Variants in PLA2G4D observed in about 807,000 individuals in gnomAD.
PLA2G4D encodes phospholipase A2 group IVD.
In PLA2G4D, 80 loss-of-function variants were observed where a neutral mutation model predicts 94.4. The ratio of observed to expected loss-of-function variants is 0.85; its 90% CI spans 0.71 to 1.02. The LOEUF is 1.02. PLA2G4D is among the 50% of genes least tolerant of loss of function. The pLI is 0.00. For missense variants in PLA2G4D, 1,050 were observed against 1,034.7 expected (o/e 1.01, Z -0.20); for synonymous variants, 438 against 440.9 (o/e 0.99, Z 0.08).
intron 13 of PLA2G4D, among the ~76,000 whole-genome samples, chr15:42,076,471 C>G (rs1595592750): frequency 1.3e-5 from 2 of 151,864 alleles, no homozygotes; most frequent in East Asian, 3.9e-4. Context: ...GCATTAAAAC[C>G]ATTAGAACTG....
intron 13 of PLA2G4D, among the ~76,000 whole-genome samples, chr15:42,075,015 C>T (rs1332850727): frequency 6.6e-6 from 1 of 152,180 alleles, no homozygotes; most frequent in Non-Finnish European, 1.5e-5. Context: ...CCTCAACCTC[C>T]CATGTTCAAG....
rs1282363820 is a variant in PLA2G4D, at chr15:42,085,522, C to T, written c.397G>A (p.Glu133Lys). 3 of 1,613,508 alleles carry T rather than the reference C, an allele frequency of 1.9e-6. No homozygotes were observed. The highest frequency in any genetic ancestry group is 1.1e-5 in the South Asian group (1 of 91,080). ...TFSQSPQGEE[E>K]LDVEFLMEET... ...TCCATCAGGAACTCCACATCCAGCT[C>T]CTCCTCTCCCTGAAATCAGAGAGCA... The change falls in exon 5 of 20, where the codon GAG becomes AAG. Residue 133 changes from glutamate to lysine, a missense_variant. Transcript: ENST00000290472.
Position 42,094,533 on chromosome 15 carries a change from G to A in PLA2G4D, c.-74C>T. The A allele has an allele frequency of 6.4e-7, 1 of 1,564,976 alleles. No homozygotes were observed. Among genetic ancestry groups the A allele is most frequent in the Non-Finnish European group, 8.8e-7 (1 of 1,138,734 alleles). On this transcript the variant is annotated 5_prime_UTR_variant, in exon 1 of 20. Transcript: ENST00000290472. ...GCTCTCTGGCTGAGTGGCAGCGACG[G>A]TCCCAGTGGGATAGGACCAGCATGA...
chr15:42,089,761 C>T (rs1308394251), intron 1 of PLA2G4D, among the ~76,000 whole-genome samples: 1 of 152,158 alleles, frequency 6.6e-6, no homozygotes, highest in Non-Finnish European at 1.5e-5. Context: ...CGCTCCCCTG[C>T]TCCCCCGGCC....
chr15:42,090,663 T>C (rs1890230914), intron 1 of PLA2G4D, among the ~76,000 whole-genome samples: 1 of 152,168 alleles, frequency 6.6e-6, no homozygotes, highest in African/African-American at 2.4e-5. Context: ...GAATGCCGGC[T>C]GGAGGTGAGG....
At chr15:42,091,485 C>T (rs1449740797) in intron 1 of PLA2G4D, among the ~76,000 whole-genome samples, 4 of 152,196 alleles carry the variant, frequency 2.6e-5, no homozygotes, top group East Asian at 1.9e-4. Flanking sequence ...GTGACGCCAG[C>T]GTCTGGGAAG....
chr15:42,086,038 T>C (rs182733260), intron 4 of PLA2G4D, among the ~76,000 whole-genome samples, 175 bp downstream of exon 4: 3 of 152,266 alleles, frequency 2.0e-5, no homozygotes, highest in Non-Finnish European at 4.4e-5. Context: ...AGCCTGTAAC[T>C]GTAAAGTGAA....
intron 1 of PLA2G4D, among the ~76,000 whole-genome samples, chr15:42,093,918 G>A (rs974811938): frequency 6.6e-6 from 1 of 152,192 alleles, no homozygotes; most frequent in Admixed American, 6.5e-5. Context: ...CAGAGGGTGG[G>A]GGGGTGGCGA....
At chr15:42,089,709 G>C (rs574428738) in intron 1 of PLA2G4D, among the ~76,000 whole-genome samples, 8 of 152,096 alleles carry the variant, frequency 5.3e-5, no homozygotes, top group African/African-American at 1.4e-4. Flanking sequence ...TGAATGTCCC[G>C]CTCCAAGACA....
At chr15:42,091,176 C>T (rs945490847) in intron 1 of PLA2G4D, among the ~76,000 whole-genome samples, 6 of 152,018 alleles carry the variant, frequency 3.9e-5, no homozygotes, top group Middle Eastern at 3.2e-3. Context: ...ACCCAGGCGC[C>T]GAGGCAAGAG....
rs979663570 is a variant in PLA2G4D at position 42,084,817 on chromosome 15, C to T, written c.471+279G>A. ...TCAATCCCTAGAACTATGAGTTCAC[C>T]GCAGGTGACTAAACACCTTCCGGAA... is the stretch of plus-strand genomic sequence containing the variant. On this transcript the variant is annotated intron_variant, in intron 6 of 19. Transcript: ENST00000290472. This position sits in a 1 kb window ranked among gnomAD's most constrained non-coding sequence, Gnocchi z 4.8. Among the ~76,000 whole-genome samples the T allele has an allele frequency of 2.0e-5, 3 of 152,182 alleles. No individual in the cohort carries two copies. The highest frequency in any genetic ancestry group is 2.9e-5 in the Non-Finnish European group (2 of 68,030).
intron 18 of PLA2G4D, 140 bp from the exon 19 acceptor site, chr15:42,070,235 G>T: frequency 1.2e-6 from 1 of 812,370 alleles, no homozygotes; most frequent in Non-Finnish European, 1.8e-6. Context: ...GCTGCAGAGT[G>T]ACTCGGAGGG....
At chr15:42,094,231 C>T (rs1174019003) in intron 1 of PLA2G4D, among the ~76,000 whole-genome samples, 184 bp downstream of exon 1, 1 of 152,124 alleles carries the variant, frequency 6.6e-6, no homozygotes, top group Non-Finnish European at 1.5e-5. Flanking sequence ...ACTCACGTTT[C>T]CCAGCCCCCG....
At chr15:42,085,059 C>T in intron 6 of PLA2G4D, 37 bp downstream of exon 6, 1 of 1,612,994 alleles carries the variant, frequency 6.2e-7, no homozygotes, top group Non-Finnish European at 8.5e-7. Flanking sequence ...AGCGTCTGCT[C>T]TGGGGCCCCT....
chr15:42,083,133 GGGCCCGCT>G, intron 8 of PLA2G4D, 57 bp downstream of exon 8: 2 of 1,559,976 alleles, frequency 1.3e-6, no homozygotes, highest in Non-Finnish European at 1.7e-6. Flanking sequence ...AGGCAGGGAG[GGGCCCGCT>G]GCAGCTGGAG....
Position 42,070,015 on chromosome 15 carries a change from G to A in PLA2G4D, c.2124C>T (p.His708=). Residue 708 remains histidine (H), a synonymous_variant, in exon 19 of 20, where the codon CAC becomes CAT. Coordinates refer to ENST00000290472, the MANE Select transcript of PLA2G4D (RefSeq NM_178034.4). ...AGAAGAGGTGGCATTCCCTTGGCTG[G>A]TGCTGGTCCTGAGGGCTGGGTTCCA... ...PRVEPSPQDQ[H]QPRECHLFSD... The A allele has an allele frequency of 6.6e-7, 1 of 1,511,492 alleles. No individual in the cohort carries two copies. Among genetic ancestry groups the A allele is most frequent in the South Asian group, 1.3e-5 (1 of 77,768 alleles). 93.6% of individuals were successfully genotyped at this position (1,511,492 alleles called of 1,614,324 possible).
rs778900492 is a variant in PLA2G4D, at chr15:42,071,198, G to A, written c.1801C>T (p.Arg601Cys). 37 of 1,613,272 alleles carry A rather than the reference G, an allele frequency of 2.3e-5. No individual in the cohort carries two copies. The highest frequency in any genetic ancestry group is 1.7e-4 in the Middle Eastern group (1 of 6,048). ...GFLTGRPLHQ[R>C]SPNFLQGLQL... ...AGGCCCTGGAGGAAGTTGGGGCTGC[G>A]CTGGTGGAGGGGCCTGCCTGTCAGG... The change falls in exon 17 of 20, where the codon CGC becomes TGC. Residue 601 changes from arginine (R) to cysteine (C), a missense_variant. By Grantham distance (180) the Arg-to-Cys change is radical. Coordinates refer to ENST00000290472, the MANE Select transcript of PLA2G4D (RefSeq NM_178034.4).
Position 42,094,434 on chromosome 15 carries a change from G to T in PLA2G4D, c.26C>A (p.Pro9Gln), listed in dbSNP as rs904193736. 2 of 1,614,076 alleles carry T rather than the reference G, an allele frequency of 1.2e-6. No homozygotes were observed. The highest frequency in any genetic ancestry group is 1.7e-6 in the Non-Finnish European group (2 of 1,179,984). ...TGTTACCTGGTAAGGGTGGCCAGGT[G>T]GTCCCCCAGGTGACAGGCTCTCCAT... MESLSPGGPPGHPYQGEAS... is the reference protein window; with the variant it reads MESLSPGGQPGHPYQGEAS... Residue 9 changes from proline (P) to glutamine (Q), a missense_variant, in exon 1 of 20, where the codon CCA becomes CAA. Transcript: ENST00000290472.
At chr15:42,092,765 A>T (rs566933623) in intron 1 of PLA2G4D, among the ~76,000 whole-genome samples, 1 of 152,232 alleles carries the variant, frequency 6.6e-6, no homozygotes, top group East Asian at 1.9e-4. Flanking sequence ...TTTGCCAGGA[A>T]GTTTTGTGAG....
Sources: allele counts gnomAD v4.1 joint callset (sites outside exome capture counted in the v4.1 genomes callset), GRCh38; gene constraint gnomAD v4.1.1; non-coding constraint Gnocchi (gnomAD v3.1); transcripts MANE v1.5; gene names NCBI Gene and HGNC (gene_info 2026-07-23, HGNC 2026-07-21).